The following CNTN5 variants were observed in gnomAD, a reference collection of about 807,000 sequenced individuals.
The protein encoded by CNTN5 is contactin 5, also known as contactin-5.
In CNTN5, 77 loss-of-function variants were observed where a neutral mutation model predicts 129.1. The ratio of observed to expected loss-of-function variants is 0.60; its 90% CI spans 0.50 to 0.72. CNTN5 has a LOEUF of 0.72. Among genes scored for constraint, CNTN5 ranks in the 30% least tolerant of loss-of-function variants. CNTN5 has a pLI of 0.00. For synonymous variants in CNTN5, 509 were observed against 465.6 expected (o/e 1.09, Z -1.20); for missense variants, 1,478 against 1,328.8 (o/e 1.11, Z -1.75).
At chr11:100,291,956 C>G (rs1950991365) in intron 18 of CNTN5, among the ~76,000 whole-genome samples, 1 of 151,724 alleles carries the variant, frequency 6.6e-6, no homozygotes, top group South Asian at 2.1e-4. Flanking sequence ...AATGTGATCC[C>G]AAACCTCAGC....
At chr11:100,172,224 A>C (rs1030669910) in intron 13 of CNTN5, among the ~76,000 whole-genome samples, 1 of 152,106 alleles carries the variant, frequency 6.6e-6, no homozygotes, top group Non-Finnish European at 1.5e-5. Flanking sequence ...CTGCCACCCA[A>C]CTGTAGTTAG....
At chr11:100,124,306 C>T (rs754247807) in intron 13 of CNTN5, among the ~76,000 whole-genome samples, 3 of 151,980 alleles carry the variant, frequency 2.0e-5, no homozygotes, top group Non-Finnish European at 2.9e-5. Flanking sequence ...ATTAACATCC[C>T]CTTTCCTATT....
At chr11:100,353,298 A>T (rs2139044443) in intron 24 of CNTN5, among the ~76,000 whole-genome samples, 1 of 151,650 alleles carries the variant, frequency 6.6e-6, no homozygotes, top group Admixed American at 6.6e-5. Context: ...TTTCATTTTT[A>T]TCATATTGCA....
intron 9 of CNTN5, among the ~76,000 whole-genome samples, chr11:100,029,678 A>G (rs1941607269): frequency 6.6e-6 from 1 of 152,200 alleles, no homozygotes; most frequent in Non-Finnish European, 1.5e-5. Context: ...TTCCTTCATA[A>G]TTGAGACTGA....
At chr11:100,236,024 G>C (rs941214467) in intron 16 of CNTN5, among the ~76,000 whole-genome samples, 1 of 152,196 alleles carries the variant, frequency 6.6e-6, no homozygotes, top group Non-Finnish European at 1.5e-5. Context: ...GAGGAGCCCT[G>C]AGAAGCTGGA....
intron 9 of CNTN5, among the ~76,000 whole-genome samples, chr11:100,056,555 CA>C (rs1943231469): frequency 6.6e-6 from 1 of 151,422 alleles, no homozygotes; most frequent in South Asian, 2.1e-4. Context: ...AGGATAATTA[CA>C]ACTCTAAAAA....
intron 1 of CNTN5, among the ~76,000 whole-genome samples, chr11:99,263,309 A>G (rs992796859): frequency 5.9e-5 from 9 of 152,078 alleles, no homozygotes; most frequent in East Asian, 1.9e-4. Context: ...GAAAAGTTCC[A>G]TTATGTTCAG....
At chr11:99,382,014 C>A (rs1212103441) in intron 2 of CNTN5, among the ~76,000 whole-genome samples, 1 of 151,880 alleles carries the variant, frequency 6.6e-6, no homozygotes, top group Non-Finnish European at 1.5e-5. Flanking sequence ...ACACAAAAAA[C>A]TGCAAGCTCT....
At position 99,687,439 on chromosome 11, in the gene CNTN5, A is replaced by G. The variant is rs151133183; in HGVS notation, c.55+131170A>G. Among the ~76,000 whole-genome samples, 103 of 152,226 alleles carry G rather than the reference A, an allele frequency of 6.8e-4. 2 individuals carry two copies. The South Asian group carries it at 0.017, about 25-fold the overall frequency. On this transcript the variant is annotated intron_variant, in intron 3 of 24. Transcript: ENST00000524871. Reference sequence around the variant, plus strand: ...GTAAAATCTTCTTAAAAATGTTTTGAAGTAATTTTCTAGATAGTTAATTTG... The same window carrying G: ...GTAAAATCTTCTTAAAAATGTTTTGGAGTAATTTTCTAGATAGTTAATTTG...
intron 2 of CNTN5, among the ~76,000 whole-genome samples, chr11:99,480,611 C>T (rs76732164): frequency 0.021 from 3,157 of 152,228 alleles, 127 homozygotes; most frequent in African/African-American, 0.07. Context: ...TATGTTTATT[C>T]TACAATCTTT....
At chr11:99,545,775 T>C (rs1948270393) in intron 2 of CNTN5, among the ~76,000 whole-genome samples, 1 of 152,168 alleles carries the variant, frequency 6.6e-6, no homozygotes. Flanking sequence ...CCTGAACAGG[T>C]GTTCTCATGT....
intron 2 of CNTN5, among the ~76,000 whole-genome samples, chr11:99,369,076 C>T (rs1190989799): frequency 7.5e-6 from 1 of 133,642 alleles, no homozygotes; most frequent in African/African-American, 2.7e-5. Flanking sequence ...GAATGCTATC[C>T]TGCTTGCTGA....
chr11:99,581,637 C>T (rs1005571903), intron 3 of CNTN5, among the ~76,000 whole-genome samples: 9 of 151,956 alleles, frequency 5.9e-5, no homozygotes, highest in African/African-American at 1.2e-4. Context: ...CCGTTTTATC[C>T]GAGACTAGGA....
intron 2 of CNTN5, among the ~76,000 whole-genome samples, chr11:99,444,717 CATAT>C (rs1209696624): frequency 5.3e-5 from 8 of 151,870 alleles, no homozygotes; most frequent in Non-Finnish European, 1.0e-4. Context: ...TATATGTATA[CATAT>C]ATATTTGGCC....
chr11:100,106,772 A>AAAT (rs928166422), intron 13 of CNTN5, among the ~76,000 whole-genome samples: 2 of 152,072 alleles, frequency 1.3e-5, no homozygotes, highest in South Asian at 2.1e-4. Context: ...GGACAAGAAG[A>AAAT]AATAATAATA....
At chr11:99,611,485 T>C (rs193104705) in intron 3 of CNTN5, among the ~76,000 whole-genome samples, 17 of 152,256 alleles carry the variant, frequency 1.1e-4, no homozygotes, top group Non-Finnish European at 1.0e-4. Flanking sequence ...AAAAGTTAAA[T>C]GTAAAATAAG....
intron 3 of CNTN5, among the ~76,000 whole-genome samples, chr11:99,736,674 G>A (rs1943721865): frequency 6.6e-6 from 1 of 152,088 alleles, no homozygotes; most frequent in African/African-American, 2.4e-5. Flanking sequence ...TTATCGAAGT[G>A]TGAAATTAAT....
At chr11:99,025,010 G>C (rs1488231793) in intron 1 of CNTN5, among the ~76,000 whole-genome samples, 1 of 151,798 alleles carries the variant, frequency 6.6e-6, no homozygotes, top group Admixed American at 6.6e-5. Context: ...TTTCTAAGTG[G>C]TTCTTAAAAA....
intron 7 of CNTN5, among the ~76,000 whole-genome samples, chr11:99,948,005 T>C (rs1950590143): frequency 6.6e-6 from 1 of 152,198 alleles, no homozygotes; most frequent in Non-Finnish European, 1.5e-5. Flanking sequence ...TAAAAGGTAA[T>C]ATTTTACTAA....
Sources: allele counts gnomAD v4.1 joint callset (sites outside exome capture counted in the v4.1 genomes callset), GRCh38; gene constraint gnomAD v4.1.1; transcripts MANE v1.5; gene names NCBI Gene and HGNC (gene_info 2026-07-23, HGNC 2026-07-21).